Variants in FAM171A1 observed in about 807,000 individuals in gnomAD.
FAM171A1 encodes protein FAM171A1.
In FAM171A1, 23 loss-of-function variants were observed where a neutral mutation model predicts 74.9. The ratio of observed to expected loss-of-function variants is 0.31; its 90% confidence interval spans 0.22 to 0.44. The LOEUF (loss-of-function observed/expected upper bound fraction) is 0.44, where lower values mean the gene tolerates loss of function less well. Among genes scored for constraint, FAM171A1 ranks in the 20% least tolerant of loss-of-function variants. The pLI is 1.00. For synonymous variants in FAM171A1, 527 were observed against 505.7 expected, an observed-to-expected ratio of 1.04 and a Z score of -0.57; for missense variants, 1,162 against 1,159.2, an observed-to-expected ratio of 1.00 and a Z score of -0.03.
In FAM171A1 at chr10:15,369,621, C is replaced by T. The variant is rs774432376; in HGVS notation, c.97+1335G>A. Among the ~76,000 whole-genome samples the T allele has an allele frequency of 1.7e-3, 254 of 152,272 alleles. 6 individuals carry two copies. Among genetic ancestry groups the T allele is most frequent in the South Asian group, 6.2e-4 (3 of 4,820 alleles). On this transcript the variant is annotated intron_variant, in intron 1 of 7. Transcript: ENST00000378116. Reference sequence around the variant, plus strand: ...ATACCAGGAAATGATACTGCAAGTGCCAGAATATGAAAACCTTCAACTCAA... The same window carrying T: ...ATACCAGGAAATGATACTGCAAGTGTCAGAATATGAAAACCTTCAACTCAA...
intron 5 of FAM171A1, among the ~76,000 whole-genome samples, chr10:15,222,526 C>A (rs1435958964): frequency 6.6e-6 from 1 of 152,214 alleles, no homozygotes; most frequent in Non-Finnish European, 1.5e-5. Context: ...CTTATGGGAT[C>A]ATCATTGTAC....
chr10:15,369,213 A>AATATATAT (rs71505070), intron 1 of FAM171A1, among the ~76,000 whole-genome samples: 7 of 145,762 alleles, frequency 4.8e-5, no homozygotes, highest in African/African-American at 1.8e-4. Context: ...ATATATATTG[A>AATATATAT]ATATATATAT....
chr10:15,325,810 G>A (rs764981608), intron 1 of FAM171A1, among the ~76,000 whole-genome samples: 6 of 152,110 alleles, frequency 3.9e-5, no homozygotes, highest in Admixed American at 2.0e-4. Context: ...GTGTGAATGC[G>A]GTAGGGAAGT....
intron 1 of FAM171A1, among the ~76,000 whole-genome samples, chr10:15,346,385 C>G (rs1342339975): frequency 2.0e-5 from 3 of 152,176 alleles, no homozygotes; most frequent in African/African-American, 7.2e-5. Flanking sequence ...GTGTGAGCCA[C>G]TACGCCCAGC....
At chr10:15,229,927 T>C (rs902686730) in intron 5 of FAM171A1, among the ~76,000 whole-genome samples, 9 of 129,710 alleles carry the variant, frequency 6.9e-5, no homozygotes, top group Non-Finnish European at 1.3e-4. Flanking sequence ...ACCAACATCA[T>C]CATCATCACC....
At chr10:15,231,816 G>A (rs1164753083) in intron 5 of FAM171A1, among the ~76,000 whole-genome samples, 1 of 152,156 alleles carries the variant, frequency 6.6e-6, no homozygotes, top group Non-Finnish European at 1.5e-5. Context: ...TGGGTGTGGT[G>A]GCTCATGCCA....
intron 6 of FAM171A1, among the ~76,000 whole-genome samples, chr10:15,217,925 C>T (rs1328003364): frequency 6.6e-6 from 1 of 152,132 alleles, no homozygotes; most frequent in Non-Finnish European, 1.5e-5. Context: ...GCCACCGCAC[C>T]CGGCCCAGAG....
intron 1 of FAM171A1, among the ~76,000 whole-genome samples, chr10:15,303,884 G>A (rs536797661): frequency 6.6e-6 from 1 of 152,334 alleles, no homozygotes; most frequent in Non-Finnish European, 1.5e-5. Context: ...AAAAGTTCAC[G>A]TATGAAAGAG....
intron 5 of FAM171A1, among the ~76,000 whole-genome samples, chr10:15,234,631 G>T (rs11259562): frequency 0.13 from 20,131 of 151,544 alleles, 1,462 homozygotes; most frequent in Middle Eastern, 0.17. Flanking sequence ...ATTGGCTGCA[G>T]GAGGGGACCG....
At chr10:15,333,634 C>A (rs35365238) in intron 1 of FAM171A1, among the ~76,000 whole-genome samples, 11,018 of 152,154 alleles carry the variant, frequency 0.072, 509 homozygotes, top group Middle Eastern at 0.11. Context: ...TCAAGACCAG[C>A]CTGGCCAACA....
chr10:15,230,372 T>C (rs1834189686), intron 5 of FAM171A1, among the ~76,000 whole-genome samples: 1 of 152,250 alleles, frequency 6.6e-6, no homozygotes, highest in Non-Finnish European at 1.5e-5. Flanking sequence ...AATTATCTAA[T>C]CATTCTTGTT....
chr10:15,334,576 A>G (rs1260080695), intron 1 of FAM171A1, among the ~76,000 whole-genome samples: 1 of 152,244 alleles, frequency 6.6e-6, no homozygotes, highest in Non-Finnish European at 1.5e-5. Context: ...TGGGTTTCCC[A>G]AACTGCCTTC....
intron 5 of FAM171A1, among the ~76,000 whole-genome samples, chr10:15,246,524 C>T (rs572538629): frequency 1.3e-5 from 2 of 152,062 alleles, no homozygotes; most frequent in African/African-American, 2.4e-5. Flanking sequence ...TATTTGAAAA[C>T]TGGTATTTTC....
chr10:15,293,419 C>T (rs538743587), intron 1 of FAM171A1, among the ~76,000 whole-genome samples: 15 of 151,716 alleles, frequency 9.9e-5, no homozygotes, highest in Non-Finnish European at 2.2e-4. Context: ...CAAGGTACTG[C>T]AGGGAGATTA....
Position 15,214,328 on chromosome 10 carries a change from G to C in FAM171A1, c.1260C>G (p.Ser420Arg), listed in dbSNP as rs1347019512. ...CCCGGGAGCTAAATTCCTGGGAGGT[G>C]CTGTAGGAGAGCTTGAGCATGGGGG... ...LHTPMLKLSY[S>R]TSQEFSSREE... The change falls in exon 8 of 8, where the codon AGC (serine) becomes AGG (arginine). Residue 420 changes from serine (S) to arginine (R), a missense_variant. By Grantham distance (110) the Ser-to-Arg change is moderately radical. Coordinates refer to ENST00000378116, the MANE Select transcript of FAM171A1 (RefSeq NM_001010924.2). 6.2e-7 allele frequency: 1 copy of C among 1,612,646 alleles called. No homozygotes were observed. Among genetic ancestry groups the C allele is most frequent in the East Asian group, 2.2e-5 (1 of 44,884 alleles).
intron 2 of FAM171A1, among the ~76,000 whole-genome samples, chr10:15,280,604 C>T (rs1834955436): frequency 6.6e-6 from 1 of 152,196 alleles, no homozygotes; most frequent in Non-Finnish European, 1.5e-5. Context: ...AACCTCAACA[C>T]ATCCTCCAGG....
At chr10:15,222,466 T>C (rs1834051132) in intron 5 of FAM171A1, among the ~76,000 whole-genome samples, 2 of 152,152 alleles carry the variant, frequency 1.3e-5, no homozygotes, top group South Asian at 2.1e-4. Context: ...ATGGGAAGTA[T>C]CTGTGTATCT....
intron 3 of FAM171A1, among the ~76,000 whole-genome samples, chr10:15,274,662 A>G (rs1588527133): frequency 1.3e-5 from 2 of 152,230 alleles, no homozygotes; most frequent in South Asian, 4.1e-4. Flanking sequence ...TAACCAAAAC[A>G]GCATGGTACT....
upstream of FAM171A1, among the ~76,000 whole-genome samples, chr10:15,373,740 G>GA (rs557095587): frequency 6.3e-4 from 95 of 151,978 alleles, no homozygotes; most frequent in Middle Eastern, 3.4e-3. Flanking sequence ...ATTTAAAATA[G>GA]AAAAAAAATC....
Sources: allele counts gnomAD v4.1 joint callset (sites outside exome capture counted in the v4.1 genomes callset), GRCh38; gene constraint gnomAD v4.1.1; transcripts MANE v1.5; gene names NCBI Gene and HGNC (gene_info 2026-07-23, HGNC 2026-07-21).